The following NOM1 variants were observed in gnomAD, a reference collection of about 807,000 sequenced individuals.
NOM1 encodes the protein nucleolar protein with MIF4G domain 1, also known as nucleolar MIF4G domain-containing protein 1.
NOM1 carries 58 observed loss-of-function variants against 73.3 expected under a neutral mutation model. The observed-to-expected ratio is 0.79, with a 90% CI of 0.64 to 0.99. NOM1 has a LOEUF of 0.99. Ranked by LOEUF, NOM1 falls within the 50% of genes least tolerant of loss-of-function variation. The pLI is 0.00. For synonymous variants in NOM1, 487 were observed against 446.8 expected, an observed-to-expected ratio of 1.09 and a Z score of -1.14; for missense variants, 1,226 against 1,131.9, an observed-to-expected ratio of 1.08 and a Z score of -1.19.
At position 156,950,231 on chromosome 7, in the gene NOM1, C is replaced by T. The variant is rs1453402360; in HGVS notation, c.494C>T (p.Ala165Val). The change falls in exon 1 of 11, where the codon GCC (alanine) becomes GTC (valine). Residue 165 changes from alanine to valine, a missense_variant. Ala to Val is a moderately conservative substitution (Grantham distance 64, BLOSUM62 0). Transcript: ENST00000275820. ...ACCGCAAAGACCAGACCCTCCGCAG[C>T]CGCCACCGCCGCTGCCCGGAAACGG... is the stretch of plus-strand genomic sequence containing the variant. ...AATAKTRPSA[A>V]ATAAARKRAL... 1 of 1,612,578 alleles carries T rather than the reference C, an allele frequency of 6.2e-7. No individual in the cohort carries two copies.
chr7:156,957,134 T>C (rs1804743675), intron 3 of NOM1, among the ~76,000 whole-genome samples: 1 of 152,242 alleles, frequency 6.6e-6, no homozygotes, highest in African/African-American at 2.4e-5. Context: ...TACAGTACTT[T>C]AGTTAATGAC....
rs538177759 is a variant in NOM1 at position 156,959,764 on chromosome 7, A to G, written c.1309-87A>G. ...ATGCCCTGCCTTGTGGCACTTTGTT[A>G]ATTTAGAAAGTGCCAGTTCTGTGTG... is the stretch of plus-strand genomic sequence containing the variant. On this transcript the variant is annotated intron_variant, in intron 3 of 10. Transcript: ENST00000275820. The G allele has an allele frequency of 1.5e-4, 196 of 1,304,480 alleles. 1 individual carries two copies. The Admixed American group carries it at 3.9e-3, about 26-fold the overall frequency. 80.8% of individuals were successfully genotyped at this position (1,304,480 alleles called of 1,614,324 possible).
rs1805113621 is a variant in NOM1, at chr7:156,970,385, A to G, written c.*682A>G. The G allele has an allele frequency of 6.6e-6, 1 of 152,102 alleles. No homozygotes were observed. The highest frequency in any genetic ancestry group is 2.4e-5 in the African/African-American group (1 of 41,406). The allele number at this position is 152,102 out of a possible 1,614,324, so 9.4% of individuals were successfully genotyped here. A position where few individuals can be genotyped will look rare whatever the true frequency, so the allele number is the denominator to read the frequency against. On this transcript the variant is annotated 3_prime_UTR_variant, in exon 11 of 11. Coordinates refer to ENST00000275820, the MANE Select transcript of NOM1 (RefSeq NM_138400.2). ...TTTTTACCTTTTTAAAATATTGGTTAGAAGTTCAAAAACCATCCCTTAAAG... is the reference window on the plus strand; with the variant it reads ...TTTTTACCTTTTTAAAATATTGGTTGGAAGTTCAAAAACCATCCCTTAAAG...
rs554375588 is a variant in NOM1 at position 156,955,637 on chromosome 7, C to T, written c.1308+1339C>T. On this transcript the variant is annotated intron_variant, in intron 3 of 10. Coordinates refer to ENST00000275820, the MANE Select transcript of NOM1 (RefSeq NM_138400.2). ...CCTCACCTTTAATCCTAAAGTGTCCCGGTGAGATCAGGGCAGACCTTTACT... is the reference window on the plus strand; with the variant it reads ...CCTCACCTTTAATCCTAAAGTGTCCTGGTGAGATCAGGGCAGACCTTTACT... 4.6e-5 allele frequency among the ~76,000 whole-genome samples: 7 copies of T among 152,202 alleles called. No homozygotes were observed. In the South Asian group the frequency reaches 6.2e-4, roughly 14 times the overall value.
At chr7:156,952,990 C>A (rs559209213) in intron 2 of NOM1, among the ~76,000 whole-genome samples, 1 of 152,334 alleles carries the variant, frequency 6.6e-6, no homozygotes, top group South Asian at 2.1e-4. Context: ...TGTTGTTACC[C>A]ACTTTAAGAA....
rs1419820720 is a variant in NOM1, at chr7:156,949,773, G to T, written c.36G>T (p.Pro12=). Reference sequence around the variant, plus strand: ...CCAGGAGCGCGGGAGAGGCCGGCCCGGGCGGCTCCCAGGGACGCGTGGTCC... The same window carrying T: ...CCAGGAGCGCGGGAGAGGCCGGCCCTGGCGGCTCCCAGGGACGCGTGGTCC... ...AASRSAGEAG[P]GGSQGRVVRM... The change falls in exon 1 of 11, where the codon CCG becomes CCT. Residue 12 remains proline, a synonymous_variant. Transcript: ENST00000275820. 7.1e-7 allele frequency: 1 copy of T among 1,403,626 alleles called. No individual in the cohort carries two copies. Among genetic ancestry groups the T allele is most frequent in the Non-Finnish European group, 9.2e-7 (1 of 1,084,160 alleles). 86.9% of individuals were successfully genotyped at this position (1,403,626 alleles called of 1,614,324 possible).
intron 9 of NOM1, among the ~76,000 whole-genome samples, chr7:156,968,081 T>TC (rs984116172): frequency 3.3e-5 from 5 of 152,302 alleles, no homozygotes; most frequent in African/African-American, 1.2e-4. Flanking sequence ...TCACCCTGCG[T>TC]CCCTTGCTGT....
In NOM1 at chr7:156,967,062, G is replaced by A. The variant is rs1375361121; in HGVS notation, c.2268G>A (p.Lys756=). 3 of 1,613,102 alleles carry A rather than the reference G, an allele frequency of 1.9e-6. No homozygotes were observed. In the East Asian group the frequency reaches 6.7e-5, roughly 36 times the overall value. The change falls in exon 9 of 11, where the codon AAG becomes AAA. Residue 756 remains lysine, a synonymous_variant. Transcript: ENST00000275820. ...NLVHLVAHLL[K]TKSLSLSILK... is the part of the protein sequence containing the mutation. ...TTCATCTGGTGGCCCACTTGTTGAA[G>A]ACAAAATCGCTTTCCCTTTCCATCT...
chr7:156,962,920 C>A, intron 5 of NOM1, 88 bp from the exon 6 acceptor site: 2 of 1,406,186 alleles, frequency 1.4e-6, no homozygotes, highest in Non-Finnish European at 1.9e-6. Flanking sequence ...CCAGAAATGT[C>A]ATGGTCAAAA....
chr7:156,964,587 GA>G (rs149291176), intron 7 of NOM1, among the ~76,000 whole-genome samples: 5,243 of 149,074 alleles, frequency 0.035, 294 homozygotes, highest in African/African-American at 0.12. Flanking sequence ...CATTTAAAAA[GA>G]AAAAAAAAAT....
chr7:156,957,796 A>G (rs1172265031), intron 3 of NOM1, among the ~76,000 whole-genome samples: 6 of 151,502 alleles, frequency 4.0e-5, no homozygotes, highest in African/African-American at 1.2e-4. Context: ...AAAAAAAAAA[A>G]AAAAGAAAAA....
Position 156,949,935 on chromosome 7 carries a change from G to C in NOM1, c.198G>C (p.Glu66Asp). ...AAGGCGAGGCTCCCGGGGGTTGCGA[G>C]GGGCGCGGCGCCCCGGTGAGCTTTC... ...TSEGEAPGGC[E>D]GRGAPVSFRP... The change falls in exon 1 of 11, where the codon GAG becomes GAC. Residue 66 changes from glutamate (E) to aspartate (D), a missense_variant. Glu to Asp is a conservative substitution (Grantham distance 45). Coordinates refer to ENST00000275820, the MANE Select transcript of NOM1 (RefSeq NM_138400.2). The C allele has an allele frequency of 3.2e-6, 5 of 1,541,974 alleles. No individual in the cohort carries two copies. Among genetic ancestry groups the C allele is most frequent in the Non-Finnish European group, 4.4e-6 (5 of 1,145,926 alleles).
rs1294018699 is a variant in NOM1 at position 156,953,316 on chromosome 7, C to T, written c.1112+718C>T. On this transcript the variant is annotated intron_variant, in intron 2 of 10. Coordinates refer to ENST00000275820, the MANE Select transcript of NOM1 (RefSeq NM_138400.2). ...ACTAGTTTTGTATTTTTAGTAGAGA[C>T]GGGATTTCTCCATGTAGGTCAGGCT... Among the ~76,000 whole-genome samples the T allele has an allele frequency of 3.9e-5, 6 of 152,158 alleles. No individual in the cohort carries two copies. The East Asian group carries it at 5.8e-4, about 15-fold the overall frequency.
chr7:156,949,798 C>CT lies in NOM1; in HGVS notation c.61_62insT (p.Arg21LeufsTer63). The CT allele has an allele frequency of 7.0e-7, 1 of 1,427,146 alleles. No individual in the cohort carries two copies. Among genetic ancestry groups the CT allele is most frequent in the Non-Finnish European group, 9.1e-7 (1 of 1,095,244 alleles). The allele number at this position is 1,427,146 out of a possible 1,614,324, so 88.4% of individuals were successfully genotyped here. On this transcript the variant is annotated frameshift_variant, in exon 1 of 11. Transcript: ENST00000275820. LOFTEE classifies it high-confidence loss of function. ...GGGCGGCTCCCAGGGACGCGTGGTC[C>CT]GCATGAAGCGCAGAGGCGGGCGCGG...
Position 156,949,826 on chromosome 7 carries a change from C to G in NOM1, c.89C>G (p.Pro30Arg). ...ATGAAGCGCAGAGGCGGGCGCGGGCCGCGCCGCGGTCCTGCTGGCGGTGGG... is the reference window on the plus strand; with the variant it reads ...ATGAAGCGCAGAGGCGGGCGCGGGCGGCGCCGCGGTCCTGCTGGCGGTGGG... ...VRMKRRGGRG[P>R]RRGPAGGGEK... is the part of the protein sequence containing the mutation. The change falls in exon 1 of 11, where the codon CCG becomes CGG. Residue 30 changes from proline (P) to arginine (R), a missense_variant. Pro to Arg is a moderately radical substitution (Grantham distance 103, BLOSUM62 -2). Coordinates refer to ENST00000275820, the MANE Select transcript of NOM1 (RefSeq NM_138400.2). The G allele has an allele frequency of 1.4e-6, 2 of 1,446,576 alleles. No homozygotes were observed. The highest frequency in any genetic ancestry group is 1.8e-6 in the Non-Finnish European group (2 of 1,102,370). 89.6% of individuals were successfully genotyped at this position (1,446,576 alleles called of 1,614,324 possible).
At position 156,954,260 on chromosome 7, in the gene NOM1, C is replaced by A. The variant is rs769238296; in HGVS notation, c.1270C>A (p.Leu424Ile). The change falls in exon 3 of 11, where the codon CTC becomes ATC. Residue 424 changes from leucine (L) to isoleucine (I), a missense_variant. Physicochemically the swap from Leu to Ile is conservative, Grantham distance 5. Transcript: ENST00000275820. ...CAGCAGACTGATGATGGAGCATGTT[C>A]TCTTAGTCAGCATCCTTCACCACAC... ...MPSRLMMEHV[L>I]LVSILHHTVG... is the part of the protein sequence containing the mutation. 1.4e-5 allele frequency: 23 copies of A among 1,607,160 alleles called. No individual in the cohort carries two copies. Among genetic ancestry groups the A allele is most frequent in the Non-Finnish European group, 1.8e-5 (21 of 1,177,574 alleles).
Position 156,969,538 on chromosome 7 carries a change from C to A in NOM1, c.2418C>A (p.Asp806Glu). The change falls in exon 11 of 11, where the codon GAC becomes GAA. Residue 806 changes from aspartate (D) to glutamate (E), a missense_variant. Transcript: ENST00000275820. ...DLSLIFTRVSDNPKLGVLREG... is the reference protein window; with the variant it reads ...DLSLIFTRVSENPKLGVLREG... Reference sequence around the variant, plus strand: ...TACGATTCCTTTCCAGAGTATCTGACAACCCAAAGCTGGGGGTGTTACGTG... The same window carrying A: ...TACGATTCCTTTCCAGAGTATCTGAAAACCCAAAGCTGGGGGTGTTACGTG... 5 of 1,613,266 alleles carry A rather than the reference C, an allele frequency of 3.1e-6. No homozygotes were observed. The South Asian group carries it at 4.4e-5, about 14-fold the overall frequency.
rs752703258 is a variant in NOM1 at position 156,969,590 on chromosome 7, T to C, written c.2470T>C (p.Phe824Leu). Reference sequence around the variant, plus strand: ...GGGTTTGAAGCTTTTCATCAGCCACTTCTTGCTAAAGAACGCACAGGCCCA... The same window carrying C: ...GGGTTTGAAGCTTTTCATCAGCCACCTCTTGCTAAAGAACGCACAGGCCCA... ...REGLKLFISH[F>L]LLKNAQAHRS... Residue 824 changes from phenylalanine (F) to leucine (L), a missense_variant, in exon 11 of 11, where the codon TTC (phenylalanine) becomes CTC (leucine). Coordinates refer to ENST00000275820, the MANE Select transcript of NOM1 (RefSeq NM_138400.2). 3.7e-6 allele frequency: 6 copies of C among 1,614,092 alleles called. No homozygotes were observed. Among genetic ancestry groups the C allele is most frequent in the East Asian group, 2.2e-5 (1 of 44,870 alleles).
rs1220160422 is a variant in NOM1 at position 156,969,140 on chromosome 7, A to G, written c.2352A>G (p.Val784=). The change falls in exon 10 of 11, where the codon GTA becomes GTG. Residue 784 remains valine, a synonymous_variant. Coordinates refer to ENST00000275820, the MANE Select transcript of NOM1 (RefSeq NM_138400.2). The part of the protein sequence containing the change: ...DKPRVRFLRK[V]LSILLMETEV... ...CCAGAGTCCGTTTTTTACGAAAAGT[A>G]TTAAGTATCCTATTAATGGAAACAG... The G allele has an allele frequency of 1.2e-6, 2 of 1,602,022 alleles. No individual in the cohort carries two copies. Among genetic ancestry groups the G allele is most frequent in the South Asian group, 2.2e-5 (2 of 90,876 alleles).
Sources: gnomAD v4.1 joint callset for allele counts (sites outside exome capture counted in the v4.1 genomes callset) on GRCh38, gnomAD v4.1.1 for gene constraint, MANE v1.5 for transcripts, NCBI Gene and HGNC (gene_info 2026-07-23, HGNC 2026-07-21) for gene names.